Variants in CPLX2 observed in about 807,000 individuals in gnomAD.
The protein encoded by CPLX2 is complexin-2.
CPLX2 carries 5 observed loss-of-function variants against 16.3 expected under a neutral mutation model. The ratio of observed to expected loss-of-function variants is 0.31; its 90% CI spans 0.16 to 0.64. The LOEUF is 0.64. CPLX2 is among the 30% of genes least tolerant of loss of function. CPLX2 has a pLI of 0.79. For synonymous variants in CPLX2, 89 were observed against 73.2 expected (o/e 1.22, Z -1.10); for missense variants, 144 against 181.4 (o/e 0.79, Z 1.18).
At chr5:175,810,503 G>T (rs1758294722) in intron 2 of CPLX2, among the ~76,000 whole-genome samples, 1 of 152,198 alleles carries the variant, frequency 6.6e-6, no homozygotes, top group Non-Finnish European at 1.5e-5. Context: ...GCTGACTCCA[G>T]CTTGTTTGGG....
At position 175,880,985 on chromosome 5, in the gene CPLX2, C is replaced by G. The variant is rs1755579417; in HGVS notation, c.*940C>G. The G allele has an allele frequency of 6.5e-6, 1 of 152,770 alleles. No individual in the cohort carries two copies. Among genetic ancestry groups the G allele is most frequent in the African/African-American group, 2.4e-5 (1 of 41,466 alleles). The allele number at this position is 152,770 out of a possible 1,614,324, so 9.5% of individuals were successfully genotyped here. On this transcript the variant is annotated 3_prime_UTR_variant, in exon 4 of 4. Coordinates refer to ENST00000393745, the MANE Select transcript of CPLX2 (RefSeq NM_001008220.2). The stretch of plus-strand genomic sequence containing the variant: ...CCCACGGTCCCCAGGAGGACGCTTC[C>G]TGGCCAAAGCCCCAAGCCTTTGGTG...
chr5:175,858,184 G>A (rs1759295884), intron 2 of CPLX2, among the ~76,000 whole-genome samples: 1 of 152,220 alleles, frequency 6.6e-6, no homozygotes, highest in Non-Finnish European at 1.5e-5. Flanking sequence ...GTACATAATA[G>A]GAGGTAAGAG....
chr5:175,806,124 C>T (rs980734755), intron 1 of CPLX2, among the ~76,000 whole-genome samples: 14 of 152,186 alleles, frequency 9.2e-5, no homozygotes, highest in Non-Finnish European at 1.8e-4. Flanking sequence ...TGCAATGGCT[C>T]CCCATCACCC....
chr5:175,822,491 AC>A (rs1758531560), intron 2 of CPLX2, among the ~76,000 whole-genome samples: 1 of 152,192 alleles, frequency 6.6e-6, no homozygotes, highest in South Asian at 2.1e-4. Flanking sequence ...GAGAGTCTTT[AC>A]CGTTAACGAG....
chr5:175,869,510 C>T (rs1224969503), upstream of CPLX2, among the ~76,000 whole-genome samples: 1 of 152,190 alleles, frequency 6.6e-6, no homozygotes, highest in African/African-American at 2.4e-5. Flanking sequence ...CTAATTCTAT[C>T]GCCAGCAATA....
intron 2 of CPLX2, among the ~76,000 whole-genome samples, chr5:175,821,974 T>A (rs1387406367): frequency 6.6e-6 from 1 of 152,192 alleles, no homozygotes; most frequent in Non-Finnish European, 1.5e-5. Context: ...GAAGAGGTGA[T>A]GTTTTTAGTC....
chr5:175,869,395 T>C (rs575696776), upstream of CPLX2, among the ~76,000 whole-genome samples: 2 of 152,140 alleles, frequency 1.3e-5, no homozygotes, highest in South Asian at 2.1e-4. Flanking sequence ...AGAGAACCCA[T>C]AACCCCACAC....
In CPLX2 at chr5:175,878,661, T is replaced by C. The variant is rs1237074284; in HGVS notation, c.-79T>C. ...CAATTCTCTTCTGCAGGTTGTCACA[T>C]CTTCCCAAGCCAGGCCAGCCAGGAG... On this transcript the variant is annotated 5_prime_UTR_variant, in exon 2 of 4. Transcript: ENST00000393745. The C allele has an allele frequency of 6.5e-7, 1 of 1,548,810 alleles. No homozygotes were observed. Among genetic ancestry groups the C allele is most frequent in the Non-Finnish European group, 8.8e-7 (1 of 1,135,798 alleles).
At chr5:175,796,586 T>A (rs1757979456) in exon 1 of CPLX2, 1 of 152,390 alleles carries the variant, frequency 6.6e-6, no homozygotes. Flanking sequence ...GGGAGGCCTC[T>A]GGGCTCTGTG....
intron 1 of CPLX2, chr5:175,805,359 CAGA>C (rs1758178024): frequency 1.3e-5 from 2 of 152,178 alleles, no homozygotes; most frequent in Admixed American, 6.5e-5. Flanking sequence ...GTGTCAGCAA[CAGA>C]GAATCCGAGC....
In CPLX2 at chr5:175,820,925, G is replaced by A. The variant is rs140450921; in HGVS notation, c.-89+11857G>A. 1.2e-4 allele frequency among the ~76,000 whole-genome samples: 19 copies of A among 152,304 alleles called. No homozygotes were observed. In the South Asian group the frequency reaches 2.9e-3, roughly 23 times the overall value. ...AACAGAGAGGGACAGGCAGTCGGCC[G>A]CTCGGTCCCAGAGCAGAGTCAGGAA... On this transcript the variant is annotated intron_variant, in intron 2 of 4. Transcript: ENST00000359546.
At chr5:175,856,790 G>A (rs1345156889) in intron 2 of CPLX2, among the ~76,000 whole-genome samples, 2 of 152,138 alleles carry the variant, frequency 1.3e-5, no homozygotes, top group Admixed American at 6.6e-5. Flanking sequence ...TCAGGAAGGT[G>A]GGGGGTGGGG....
At position 175,830,720 on chromosome 5, in the gene CPLX2, G is replaced by A. The variant is rs368859288; in HGVS notation, c.-89+21652G>A. Among the ~76,000 whole-genome samples, 11 of 152,222 alleles carry A rather than the reference G, an allele frequency of 7.2e-5. No homozygotes were observed. Among genetic ancestry groups the A allele is most frequent in the East Asian group, 3.8e-4 (2 of 5,196 alleles). ...GGAAGCTATTTTTAAAGCAGCATCC[G>A]CAGGCAGTAACCTGGGAGATGAGTC... On this transcript the variant is annotated intron_variant, in intron 2 of 4. Transcript: ENST00000359546. The surrounding 1 kb of genome is among the most constrained non-coding windows in gnomAD (Gnocchi z 4.0).
chr5:175,830,126 GAGA>G lies in CPLX2; in HGVS notation c.-89+21061_-89+21063del, dbSNP rs1485534824. Among the ~76,000 whole-genome samples the G allele has an allele frequency of 6.6e-6, 1 of 152,238 alleles. No individual in the cohort carries two copies. The highest frequency in any genetic ancestry group is 2.4e-5 in the African/African-American group (1 of 41,456). ...CTGTGTGGTGCCAGGTGATCCAGAA[GAGA>G]AGCAGTGAGAGCTGGAAGGGCACAT... On this transcript the variant is annotated intron_variant, in intron 2 of 4. Transcript: ENST00000359546. This position sits in a 1 kb window ranked among gnomAD's most constrained non-coding sequence, Gnocchi z 4.0.
At chr5:175,858,982 C>T (rs894856898) in intron 2 of CPLX2, among the ~76,000 whole-genome samples, 1 of 152,196 alleles carries the variant, frequency 6.6e-6, no homozygotes, top group African/African-American at 2.4e-5. Context: ...CTCCCTCTTG[C>T]TACCAGAGAA....
chr5:175,840,069 T>A (rs1235011624), intron 2 of CPLX2, among the ~76,000 whole-genome samples: 1 of 152,238 alleles, frequency 6.6e-6, no homozygotes, highest in Non-Finnish European at 1.5e-5. Flanking sequence ...AAAGGCCAAA[T>A]TTATCCATTT....
chr5:175,881,688 G>A lies in CPLX2; in HGVS notation c.*1643G>A, dbSNP rs968497429. The A allele has an allele frequency of 6.5e-6, 1 of 152,760 alleles. No homozygotes were observed. The allele number at this position is 152,760 out of a possible 1,614,324, so 9.5% of individuals were successfully genotyped here. On this transcript the variant is annotated 3_prime_UTR_variant, in exon 4 of 4. Transcript: ENST00000393745. ...TGGTCACAGTTGGCCACCTCCAACGGGAGACCTTGTCCTTGGCCTAGAGTC... is the reference window on the plus strand; with the variant it reads ...TGGTCACAGTTGGCCACCTCCAACGAGAGACCTTGTCCTTGGCCTAGAGTC...
In CPLX2 at chr5:175,883,507, A is replaced by G. The variant is rs1755675457; in HGVS notation, c.*3462A>G. ...GCAGCCACCCCACAGCCTTGTGGCT[A>G]GAGTACAGTGGGGTAGACCCTCCAG... is the stretch of plus-strand genomic sequence containing the variant. On this transcript the variant is annotated 3_prime_UTR_variant, in exon 4 of 4. Coordinates refer to ENST00000393745, the MANE Select transcript of CPLX2 (RefSeq NM_001008220.2). 1 of 152,230 alleles carries G rather than the reference A, an allele frequency of 6.6e-6. No homozygotes were observed. The highest frequency in any genetic ancestry group is 1.5e-5 in the Non-Finnish European group (1 of 68,058). 9.4% of individuals were successfully genotyped at this position (152,230 alleles called of 1,614,324 possible).
chr5:175,875,183 A>G (rs2113710846), intron 1 of CPLX2, among the ~76,000 whole-genome samples: 1 of 152,300 alleles, frequency 6.6e-6, no homozygotes, highest in East Asian at 1.9e-4. Context: ...TGTGGAGATC[A>G]CTTCATCACA....
Sources: allele counts gnomAD v4.1 joint callset (sites outside exome capture counted in the v4.1 genomes callset), GRCh38; gene constraint gnomAD v4.1.1; non-coding constraint Gnocchi (gnomAD v3.1); transcripts MANE v1.5; gene names NCBI Gene and HGNC (gene_info 2026-07-23, HGNC 2026-07-21).